The following PCBP2 variants were observed in gnomAD, a reference collection of about 807,000 sequenced individuals.
The protein encoded by PCBP2 is poly(rC) binding protein 2.
Under a neutral mutation model 50.1 loss-of-function variants are expected in PCBP2, and 4 were observed. The observed-to-expected ratio is 0.08, with a 90% CI of 0.04 to 0.18. The LOEUF is 0.18. Among genes scored for constraint, PCBP2 ranks in the 10% least tolerant of loss-of-function variants. The pLI, the probability that PCBP2 is intolerant of heterozygous loss-of-function variation, is 1.00. For synonymous variants in PCBP2, 179 were observed against 168.0 expected, an observed-to-expected ratio of 1.07 and a Z score of -0.51; for missense variants, 161 against 474.3, an observed-to-expected ratio of 0.34 and a Z score of 6.14.
At chr12:53,455,789 A>G in intron 4 of PCBP2, 96 bp from the exon 5 acceptor site, 1 of 839,720 alleles carries the variant, frequency 1.2e-6, no homozygotes, top group African/African-American at 1.7e-5. Flanking sequence ...TTGCATCAGG[A>G]TCATGTACAT....
chr12:53,464,476 C>G (rs1941683188), intron 8 of PCBP2: 3 of 370,572 alleles, frequency 8.1e-6, no homozygotes, highest in Non-Finnish European at 1.4e-5. Context: ...AAAGTGGGCT[C>G]TGTAGGGGTT....
intron 14 of PCBP2, among the ~76,000 whole-genome samples, chr12:53,472,358 AGT>A (rs1263065568): frequency 2.6e-5 from 4 of 152,008 alleles, no homozygotes; most frequent in Admixed American, 1.3e-4. Flanking sequence ...GGAAGTGTGA[AGT>A]GTGTTTTCTA....
chr12:53,471,658 G>T lies in PCBP2; in HGVS notation c.903G>T (p.Gly301=), dbSNP rs1942247015. Residue 301 remains glycine (G), a synonymous_variant, in exon 14 of 15, where the codon GGG becomes GGT. Coordinates refer to ENST00000546463, the MANE Select transcript of PCBP2 (RefSeq NM_031989.5). ...IPNDLIGCII[G]RQGAKINEIR... is the part of the protein sequence containing the mutation. ...TTAAGTTGATTGGCTGCATAATCGG[G>T]CGTCAAGGCGCCAAAATCAATGAGA... The T allele has an allele frequency of 6.2e-7, 1 of 1,613,128 alleles. No individual in the cohort carries two copies. The highest frequency in any genetic ancestry group is 2.2e-5 in the East Asian group (1 of 44,872).
chr12:53,471,846 C>A, intron 14 of PCBP2, 39 bp downstream of exon 14: 1 of 1,575,230 alleles, frequency 6.3e-7, no homozygotes, highest in Non-Finnish European at 8.7e-7. Context: ...TATGCCAACA[C>A]AGTAATGTGT....
chr12:53,455,645 T>TG, intron 4 of PCBP2, 152 bp downstream of exon 4: 1 of 844,644 alleles, frequency 1.2e-6, no homozygotes, highest in Non-Finnish European at 1.9e-6. Flanking sequence ...CTGGGGAGTG[T>TG]ATTTTTTTTT....
chr12:53,477,862 A>G (rs1277704664), intron 14 of PCBP2, among the ~76,000 whole-genome samples: 3 of 152,108 alleles, frequency 2.0e-5, no homozygotes, highest in African/African-American at 7.2e-5. Flanking sequence ...TCATGTTTTC[A>G]TGACCACATA....
chr12:53,457,527 G>C (rs1290482255), intron 5 of PCBP2, among the ~76,000 whole-genome samples: 1 of 151,760 alleles, frequency 6.6e-6, no homozygotes. Context: ...CATGGGTTTT[G>C]TAGAGACTGA....
chr12:53,456,224 T>C (rs976698284), intron 5 of PCBP2, among the ~76,000 whole-genome samples: 6 of 152,042 alleles, frequency 3.9e-5, no homozygotes, highest in East Asian at 3.8e-4. Flanking sequence ...CCCAGCACTT[T>C]TGGGAGGCTG....
At chr12:53,454,403 G>A (rs1205235213) in intron 1 of PCBP2, 1 of 166,104 alleles carries the variant, frequency 6.0e-6, no homozygotes, top group African/African-American at 2.4e-5. Flanking sequence ...TGAATTCTTT[G>A]AAGCTTTTTC....
intron 14 of PCBP2, among the ~76,000 whole-genome samples, chr12:53,478,637 C>G (rs1315023398): frequency 6.6e-6 from 1 of 152,180 alleles, no homozygotes; most frequent in Non-Finnish European, 1.5e-5. Context: ...AGCCCCGTCT[C>G]TACTAATAAT....
chr12:53,467,079 C>G, intron 10 of PCBP2, 142 bp from the exon 11 acceptor site: 1 of 623,900 alleles, frequency 1.6e-6, no homozygotes, highest in Non-Finnish European at 2.9e-6. Flanking sequence ...GATTGTGATG[C>G]AAGCCCCATC....
intron 1 of PCBP2, chr12:53,453,417 C>T (rs1285619547): frequency 6.6e-6 from 1 of 152,100 alleles, no homozygotes; most frequent in African/African-American, 2.4e-5. Context: ...GGGATTTTGC[C>T]AGCAATTAAT....
At chr12:53,476,815 T>C (rs532841676) in intron 14 of PCBP2, among the ~76,000 whole-genome samples, 1 of 152,304 alleles carries the variant, frequency 6.6e-6, no homozygotes, top group South Asian at 2.1e-4. Context: ...ATTTAGTTGC[T>C]CCTTTATCAT....
At chr12:53,469,993 C>A (rs191361987) in intron 13 of PCBP2, among the ~76,000 whole-genome samples, 3 of 151,990 alleles carry the variant, frequency 2.0e-5, no homozygotes, top group South Asian at 2.1e-4. Context: ...TGATCCCCCC[C>A]CTTCAGCCTC....
chr12:53,481,124 T>C lies in PCBP2; in HGVS notation c.*1682T>C, dbSNP rs1334265512. On this transcript the variant is annotated 3_prime_UTR_variant, in exon 15 of 15. Transcript: ENST00000546463. The stretch of plus-strand genomic sequence containing the variant: ...TATGTGGCGCATATATATATATATA[T>C]GTATATATATATAATTTATATAAAT... The C allele has an allele frequency of 3.2e-6, 2 of 627,400 alleles. No individual in the cohort carries two copies. Among genetic ancestry groups the C allele is most frequent in the Non-Finnish European group, 4.4e-6 (2 of 459,610 alleles). The allele number at this position is 627,400 out of a possible 1,614,324, so 38.9% of individuals were successfully genotyped here.
intron 12 of PCBP2, 191 bp downstream of exon 12, chr12:53,468,034 G>A (rs980123067): frequency 1.7e-5 from 10 of 590,442 alleles, no homozygotes; most frequent in African/African-American, 3.7e-5. Context: ...TTCTAAAAAT[G>A]ATGAGACAGC....
intron 4 of PCBP2, 24 bp from the exon 5 acceptor site, chr12:53,455,861 T>C (rs1352516564): frequency 6.7e-7 from 1 of 1,485,158 alleles, no homozygotes; most frequent in Non-Finnish European, 9.4e-7. Flanking sequence ...TTTTAACTTC[T>C]TTTGGATCTT....
chr12:53,461,201 C>T (rs1442461911), intron 7 of PCBP2, 58 bp downstream of exon 7: 1 of 1,582,398 alleles, frequency 6.3e-7, no homozygotes, highest in African/African-American at 1.3e-5. Context: ...GACAGAGGGA[C>T]TGATCTATAT....
At chr12:53,462,695 CT>C in intron 8 of PCBP2, 128 bp downstream of exon 8, 2 of 638,248 alleles carry the variant, frequency 3.1e-6, no homozygotes, top group Non-Finnish European at 5.1e-6. Flanking sequence ...GTTTGACCGG[CT>C]TTTAGTTTTA....
Sources: gnomAD v4.1 joint callset for allele counts (sites outside exome capture counted in the v4.1 genomes callset) on GRCh38, gnomAD v4.1.1 for gene constraint, MANE v1.5 for transcripts, NCBI Gene and HGNC (gene_info 2026-07-23, HGNC 2026-07-21) for gene names.